CENPF: variants seen among roughly 807,000 people sequenced by gnomAD.
CENPF encodes centromere protein F, also known as AH antigen.
Under a neutral mutation model 307.3 loss-of-function variants are expected in CENPF, and 214 were observed. The ratio of observed to expected loss-of-function variants is 0.70; its 90% CI spans 0.62 to 0.78. The LOEUF (loss-of-function observed/expected upper bound fraction) is 0.78. Among genes scored for constraint, CENPF ranks in the 30% least tolerant of loss-of-function variants. The pLI is 0.00. For synonymous variants in CENPF, 1,259 were observed against 1,270.6 expected (o/e 0.99, Z 0.19); for missense variants, 3,401 against 3,483.9 (o/e 0.98, Z 0.60).
rs769560052 is a variant in CENPF, at chr1:214,647,249, A to G, written c.7679A>G (p.Asn2560Ser). The G allele has an allele frequency of 5.0e-6, 8 of 1,614,100 alleles. 1 individual carries two copies. The South Asian group carries it at 8.8e-5, about 18-fold the overall frequency. Residue 2560 changes from asparagine to serine, a missense_variant, in exon 13 of 20, where the codon AAT (asparagine) becomes AGT (serine). Physicochemically the swap from Asn to Ser is conservative, Grantham distance 46. Transcript: ENST00000366955. Reference sequence around the variant, plus strand: ...AAGGAGCAAAACTTAGAACTGAGAAATCTGACAGTGGAATTGGAGCAGAAG... The same window carrying G: ...AAGGAGCAAAACTTAGAACTGAGAAGTCTGACAGTGGAATTGGAGCAGAAG... ...LWKEQNLELR[N>S]LTVELEQKIQ...
chr1:214,618,630 G>T lies in CENPF; in HGVS notation c.417G>T (p.Leu139=). 1.2e-6 allele frequency: 2 copies of T among 1,614,022 alleles called. No individual in the cohort carries two copies. Among genetic ancestry groups the T allele is most frequent in the Non-Finnish European group, 1.7e-6 (2 of 1,179,964 alleles). ...QQAAQSADVS[L]NPCNTPQKIF... is the part of the protein sequence containing the mutation. ...CTGCGCAGTCTGCAGATGTCTCTCT[G>T]AATCCATGCAATACACCACAAAAAA... Residue 139 remains leucine (L), a synonymous_variant, in exon 4 of 20, where the codon CTG becomes CTT. Transcript: ENST00000366955.
At position 214,642,099 on chromosome 1, in the gene CENPF, A is replaced by G. The variant is rs748669315; in HGVS notation, c.3761A>G (p.Gln1254Arg). ...DLETSNLQDM[Q>R]SQEISGLKDC... ...GAAACCAGCAATTTGCAAGACATGC[A>G]GTCACAAGAAATTAGTGGCCTTAAA... The change falls in exon 12 of 20, where the codon CAG becomes CGG. Residue 1254 changes from glutamine (Q) to arginine (R), a missense_variant. Coordinates refer to ENST00000366955, the MANE Select transcript of CENPF (RefSeq NM_016343.4). 53 of 1,612,186 alleles carry G rather than the reference A, an allele frequency of 3.3e-5. No homozygotes were observed. The highest frequency in any genetic ancestry group is 4.4e-5 in the Non-Finnish European group (52 of 1,179,490).
At chr1:214,624,010 ATTTTAAGATAATCGTAGATTCATATG>A (rs376540654) in intron 7 of CENPF, among the ~76,000 whole-genome samples, 4,532 of 152,188 alleles carry the variant, frequency 0.03, 103 homozygotes, top group Middle Eastern at 0.088. Context: ...TAAAACTTTT[ATTTTAAGATAATCGTAGATTCATATG>A]CAGTTGTACA....
At position 214,629,608 on chromosome 1, in the gene CENPF, A is replaced by G. The variant is rs368632186; in HGVS notation, c.1194+437A>G. The stretch of plus-strand genomic sequence containing the variant: ...GCAGTGTTACCCAGGCTGGAGTGCA[A>G]TGGCACAATCTTGGCTCCCTGCAAC... On this transcript the variant is annotated intron_variant, in intron 8 of 19. Coordinates refer to ENST00000366955, the MANE Select transcript of CENPF (RefSeq NM_016343.4). 1.7e-4 allele frequency among the ~76,000 whole-genome samples: 26 copies of G among 151,718 alleles called. 1 individual carries two copies. The South Asian group carries it at 5.4e-3, about 32-fold the overall frequency.
intron 16 of CENPF, chr1:214,653,569 C>T (rs1048221801): frequency 3.9e-5 from 6 of 154,254 alleles, no homozygotes; most frequent in Admixed American, 1.3e-4. Flanking sequence ...GAGGTGTTTT[C>T]ATTCCTACAG....
At chr1:214,621,398 T>C (rs1375643770) in intron 6 of CENPF, among the ~76,000 whole-genome samples, 1 of 152,222 alleles carries the variant, frequency 6.6e-6, no homozygotes, top group Non-Finnish European at 1.5e-5. Flanking sequence ...CCTTGGCTGC[T>C]GTGCCACGCT....
In CENPF at chr1:214,613,843, T is replaced by G; in HGVS notation, c.89T>G (p.Leu30Arg). The G allele has an allele frequency of 6.2e-7, 1 of 1,613,916 alleles. No homozygotes were observed. The highest frequency in any genetic ancestry group is 2.2e-5 in the East Asian group (1 of 44,840). ...IQELEGQLDK[L>R]KKEKQQRQFQ... ...GAGCTTGAAGGACAGCTTGACAAAC[T>G]GAAGAAGGAAAAGCAGCAAAGGCAG... Residue 30 changes from leucine (L) to arginine (R), a missense_variant, in exon 2 of 20, where the codon CTG becomes CGG. By Grantham distance (102) the Leu-to-Arg change is moderately radical. Transcript: ENST00000366955.
At chr1:214,613,133 A>G in intron 1 of CENPF, 1 of 255,872 alleles carries the variant, frequency 3.9e-6, no homozygotes, top group Non-Finnish European at 7.7e-6. Flanking sequence ...AACCCTATTT[A>G]TATTAATTTT....
In CENPF at chr1:214,621,981, G is replaced by A. The variant is rs375535871; in HGVS notation, c.866-98G>A. 5.5e-4 allele frequency: 529 copies of A among 963,304 alleles called. 2 individuals carry two copies. In the African/African-American group the frequency reaches 7.6e-3, roughly 14 times the overall value. The allele number at this position is 963,304 out of a possible 1,614,324, so 59.7% of individuals were successfully genotyped here. A position where few individuals can be genotyped will look rare whatever the true frequency, so the allele number is the denominator to read the frequency against. ...TGTATTTAGTGTAAATATTTGTTTCGTCAAAGATTTCAGAAAAGAATAAAA... is the reference window on the plus strand; with the variant it reads ...TGTATTTAGTGTAAATATTTGTTTCATCAAAGATTTCAGAAAAGAATAAAA... On this transcript the variant is annotated intron_variant, in intron 6 of 19. Transcript: ENST00000366955.
At chr1:214,608,431 C>G in intron 1 of CENPF, 1 of 1,613,140 alleles carries the variant, frequency 6.2e-7, no homozygotes, top group Non-Finnish European at 8.5e-7. Context: ...GCAATGGAGG[C>G]GGGAGCCCAG....
chr1:214,655,279 A>G lies in CENPF; in HGVS notation c.8361A>G (p.Glu2787=), dbSNP rs761768974. 40 of 1,607,044 alleles carry G rather than the reference A, an allele frequency of 2.5e-5. No homozygotes were observed. The highest frequency in any genetic ancestry group is 1.6e-4 in the Middle Eastern group (1 of 6,064). ...NLKYVNQLKK[E]NERAQGKMKL... is the part of the protein sequence containing the mutation. ...AATATGTAAATCAGTTGAAGAAGGAAAATGAACGTGCCCAGGGGAAAATGA... is the reference window on the plus strand; with the variant it reads ...AATATGTAAATCAGTTGAAGAAGGAGAATGAACGTGCCCAGGGGAAAATGA... Residue 2787 remains glutamate (E), a synonymous_variant, in exon 17 of 20, where the codon GAA becomes GAG. Transcript: ENST00000366955.
At position 214,613,483 on chromosome 1, in the gene CENPF, A is replaced by C. The variant is rs565678404; in HGVS notation, c.-41-231A>C. Reference sequence around the variant, plus strand: ...AGTGATATAAGAAGTCAACACCGAGAAATAAGAAAAACAGAAAGCAAAGGG... The same window carrying C: ...AGTGATATAAGAAGTCAACACCGAGCAATAAGAAAAACAGAAAGCAAAGGG... On this transcript the variant is annotated intron_variant, in intron 1 of 19. Transcript: ENST00000366955. 33 of 266,518 alleles carry C rather than the reference A, an allele frequency of 1.2e-4. No individual in the cohort carries two copies. In the South Asian group the frequency reaches 3.5e-3, roughly 28 times the overall value. The allele number at this position is 266,518 out of a possible 1,614,324, so 16.5% of individuals were successfully genotyped here. A position where few individuals can be genotyped will look rare whatever the true frequency, so the allele number is the denominator to read the frequency against.
At chr1:214,611,667 T>C (rs1180186628) in intron 1 of CENPF, among the ~76,000 whole-genome samples, 1 of 152,202 alleles carries the variant, frequency 6.6e-6, no homozygotes, top group African/African-American at 2.4e-5. Context: ...AGCCCAGCCT[T>C]CTAATTCTTA....
At chr1:214,622,834 A>G (rs1375556253) in intron 7 of CENPF, among the ~76,000 whole-genome samples, 1 of 127,730 alleles carries the variant, frequency 7.8e-6, no homozygotes, top group African/African-American at 3.8e-5. Flanking sequence ...GGGGGAAAAA[A>G]GATCGTATAT....
intron 1 of CENPF, among the ~76,000 whole-genome samples, chr1:214,608,093 A>T (rs1194418157): frequency 6.6e-6 from 1 of 152,176 alleles, no homozygotes; most frequent in Non-Finnish European, 1.5e-5. Context: ...CTGGCTCCAC[A>T]GGCCAGGGTG....
intron 14 of CENPF, 109 bp downstream of exon 14, chr1:214,648,936 C>A: frequency 8.9e-7 from 1 of 1,127,238 alleles, no homozygotes; most frequent in Non-Finnish European, 1.3e-6. Flanking sequence ...ATTTTTAGCT[C>A]TTGAAAAAAA....
intron 12 of CENPF, 45 bp from the exon 13 acceptor site, chr1:214,644,512 T>G: frequency 2.0e-6 from 3 of 1,508,150 alleles, no homozygotes; most frequent in Non-Finnish European, 2.7e-6. Context: ...ATTTTGATTC[T>G]TTTTGAAAAA....
rs760129161 is a variant in CENPF, at chr1:214,620,636, A to C, written c.574-19A>C. 1 of 1,596,434 alleles carries C rather than the reference A, an allele frequency of 6.3e-7. No individual in the cohort carries two copies. The highest frequency in any genetic ancestry group is 1.4e-5 in the African/African-American group (1 of 73,738). Reference sequence around the variant, plus strand: ...ATATAAGATCTTTAAAGGCCTCTAAAGAGATTCTGTTTCTACAGAAAGCAA... The same window carrying C: ...ATATAAGATCTTTAAAGGCCTCTAACGAGATTCTGTTTCTACAGAAAGCAA... On this transcript the variant is annotated intron_variant, in intron 5 of 19. Coordinates refer to ENST00000366955, the MANE Select transcript of CENPF (RefSeq NM_016343.4).
intron 12 of CENPF, among the ~76,000 whole-genome samples, chr1:214,643,606 CAGAA>C (rs2102563250): frequency 6.6e-6 from 1 of 152,204 alleles, no homozygotes; most frequent in South Asian, 2.1e-4. Flanking sequence ...ATTATGGAGT[CAGAA>C]AGTCTTTAGA....
Sources: allele counts gnomAD v4.1 joint callset (sites outside exome capture counted in the v4.1 genomes callset), GRCh38; gene constraint gnomAD v4.1.1; transcripts MANE v1.5; gene names NCBI Gene and HGNC (gene_info 2026-07-23, HGNC 2026-07-21).